Variants in STXBP6 observed in about 807,000 individuals in gnomAD.
The protein encoded by STXBP6 is syntaxin-binding protein 6.
STXBP6 carries 21 observed loss-of-function variants against 26.9 expected under a neutral mutation model. That is an observed-to-expected ratio of 0.78 (90% CI 0.55 to 1.12). The LOEUF is 1.12. Ranked by LOEUF, STXBP6 falls within the 50% of genes most tolerant of loss-of-function variation. The pLI, the probability that STXBP6 is intolerant of heterozygous loss-of-function variation, is 0.00. For missense variants in STXBP6, 232 were observed against 257.9 expected (o/e 0.90, Z 0.69); for synonymous variants, 97 against 92.6 (o/e 1.05, Z -0.27).
intron 2 of STXBP6, among the ~76,000 whole-genome samples, chr14:24,952,785 G>A (rs2073214263): frequency 6.6e-6 from 1 of 152,150 alleles, no homozygotes; most frequent in African/African-American, 2.4e-5. Context: ...TTTATTTAAT[G>A]CTGTCCATAA....
At chr14:25,044,406 C>T (rs931318689) in intron 1 of STXBP6, among the ~76,000 whole-genome samples, 6 of 152,036 alleles carry the variant, frequency 3.9e-5, no homozygotes, top group South Asian at 2.1e-4. Context: ...TCCACCTGGC[C>T]GTCCTGGTGG....
chr14:24,925,822 C>T (rs79183209), intron 2 of STXBP6, among the ~76,000 whole-genome samples: 2,633 of 152,260 alleles, frequency 0.017, 56 homozygotes, highest in African/African-American at 0.059. Context: ...CTCCCCCCTA[C>T]ACAAAAATGG....
intron 4 of STXBP6, among the ~76,000 whole-genome samples, chr14:24,835,099 G>A (rs546277878): frequency 6.6e-6 from 1 of 152,094 alleles, no homozygotes; most frequent in Non-Finnish European, 1.5e-5. Context: ...GCTACTTCTG[G>A]GCTGAGGTAA....
chr14:25,025,507 G>A (rs2075334034), intron 1 of STXBP6, among the ~76,000 whole-genome samples: 1 of 152,102 alleles, frequency 6.6e-6, no homozygotes, highest in Admixed American at 6.6e-5. Context: ...TTATAACTGA[G>A]CAACATACTA....
chr14:25,014,695 A>G (rs1233553745), intron 1 of STXBP6, among the ~76,000 whole-genome samples: 1 of 152,266 alleles, frequency 6.6e-6, no homozygotes, highest in Non-Finnish European at 1.5e-5. Flanking sequence ...AGAAGTTCTG[A>G]GTCAGCTGTC....
chr14:24,864,813 C>G (rs1329054865), intron 2 of STXBP6, among the ~76,000 whole-genome samples: 2 of 152,150 alleles, frequency 1.3e-5, no homozygotes, highest in East Asian at 1.9e-4. Context: ...TCTCTTGGCT[C>G]TCCTGCCTCC....
intron 4 of STXBP6, among the ~76,000 whole-genome samples, chr14:24,843,590 A>G (rs562458113): frequency 7.8e-4 from 119 of 152,332 alleles, no homozygotes; most frequent in African/African-American, 2.8e-3. Flanking sequence ...CTACAGGGCA[A>G]GCATTAGTAT....
chr14:24,874,210 G>A lies in STXBP6; in HGVS notation c.155-17053C>T, dbSNP rs373485360. ...TACAGGGAATATTTTCTGGCCAGTC[G>A]TCTGAATTGAGGGCAGGGTGTTGTG... On this transcript the variant is annotated intron_variant, in intron 2 of 5. Transcript: ENST00000323944. Among the ~76,000 whole-genome samples the A allele has an allele frequency of 2.0e-3, 298 of 152,202 alleles. 1 individual carries two copies. Among genetic ancestry groups the A allele is most frequent in the African/African-American group, 6.6e-3 (275 of 41,528 alleles).
chr14:24,933,423 G>A (rs1193023126), intron 2 of STXBP6, among the ~76,000 whole-genome samples: 2 of 152,066 alleles, frequency 1.3e-5, no homozygotes, highest in Non-Finnish European at 2.9e-5. Context: ...GAAGATTTAG[G>A]AACTGAAACA....
chr14:24,900,502 G>C lies in STXBP6; in HGVS notation c.155-43345C>G, dbSNP rs117580588. Among the ~76,000 whole-genome samples the C allele has an allele frequency of 4.5e-4, 68 of 152,292 alleles. 1 individual carries two copies. In the East Asian group the frequency reaches 0.013, roughly 28 times the overall value. On this transcript the variant is annotated intron_variant, in intron 2 of 5. Transcript: ENST00000323944. ...TCACGAAGTCCAAAATAAACTCCAG[G>C]CTTCCTCATCACATCTGATATAGAT... is the stretch of plus-strand genomic sequence containing the variant.
chr14:24,960,216 C>T (rs138038323), intron 2 of STXBP6, among the ~76,000 whole-genome samples: 109 of 152,262 alleles, frequency 7.2e-4, no homozygotes, highest in African/African-American at 2.5e-3. Context: ...GTCCAAAGGG[C>T]AGTTATATGC....
intron 1 of STXBP6, among the ~76,000 whole-genome samples, chr14:24,998,396 C>T (rs969767426): frequency 6.6e-6 from 1 of 152,132 alleles, no homozygotes; most frequent in Admixed American, 6.5e-5. Flanking sequence ...GTCTGAACTT[C>T]GGTGTTTTTG....
chr14:25,009,511 G>A (rs963869431), intron 1 of STXBP6, among the ~76,000 whole-genome samples: 15 of 152,090 alleles, frequency 9.9e-5, no homozygotes, highest in Non-Finnish European at 2.2e-4. Flanking sequence ...ATCATGTAGC[G>A]TAATCAAATG....
At chr14:24,996,770 G>T (rs1248017084) in intron 1 of STXBP6, among the ~76,000 whole-genome samples, 1 of 147,796 alleles carries the variant, frequency 6.8e-6, no homozygotes, top group East Asian at 2.0e-4. Flanking sequence ...CAGGAGAATC[G>T]CTTGAACCCG....
intron 2 of STXBP6, among the ~76,000 whole-genome samples, chr14:24,881,907 T>A (rs1050181461): frequency 1.3e-5 from 2 of 152,136 alleles, no homozygotes; most frequent in Non-Finnish European, 2.9e-5. Context: ...ATCTCCAATT[T>A]GCCAAAAATT....
chr14:24,845,488 C>T (rs1407484106), intron 4 of STXBP6, among the ~76,000 whole-genome samples: 2 of 152,156 alleles, frequency 1.3e-5, no homozygotes, highest in Non-Finnish European at 2.9e-5. Flanking sequence ...CACTTAAGTA[C>T]TGGGTCTTCA....
chr14:25,030,314 C>T (rs2075429089), intron 1 of STXBP6, among the ~76,000 whole-genome samples: 1 of 152,162 alleles, frequency 6.6e-6, no homozygotes, highest in African/African-American at 2.4e-5. Context: ...AAGGCAGGGC[C>T]TGGGCCACTG....
intron 1 of STXBP6, among the ~76,000 whole-genome samples, chr14:25,018,675 C>T (rs761347603): frequency 4.5e-4 from 68 of 152,224 alleles, no homozygotes; most frequent in Admixed American, 2.0e-4. Flanking sequence ...TGCCAATATA[C>T]ACAATATGGC....
intron 1 of STXBP6, among the ~76,000 whole-genome samples, chr14:25,001,226 A>G (rs2074753010): frequency 6.6e-6 from 1 of 152,166 alleles, no homozygotes; most frequent in Non-Finnish European, 1.5e-5. Context: ...TGCTGAGTAG[A>G]ATGCAAGGAG....
Sources: allele counts gnomAD v4.1 joint callset (sites outside exome capture counted in the v4.1 genomes callset), GRCh38; gene constraint gnomAD v4.1.1; transcripts MANE v1.5; gene names NCBI Gene and HGNC (gene_info 2026-07-23, HGNC 2026-07-21).